Variants in TTC6 observed in about 807,000 individuals in gnomAD.
TTC6 encodes the protein tetratricopeptide repeat protein 6.
Under a neutral mutation model 210.4 loss-of-function variants are expected in TTC6, and 172 were observed. The observed-to-expected ratio is 0.82, with a 90% CI of 0.72 to 0.93. TTC6 has a LOEUF of 0.93. Among genes scored for constraint, TTC6 ranks in the 40% least tolerant of loss-of-function variants. TTC6 has a pLI of 0.00. For missense variants in TTC6, 2,414 were observed against 2,318.1 expected, an observed-to-expected ratio of 1.04 and a Z score of -0.85; for synonymous variants, 804 against 819.6, an observed-to-expected ratio of 0.98 and a Z score of 0.32.
intron 4 of TTC6, among the ~76,000 whole-genome samples, chr14:37,697,077 A>G (rs1795329781): frequency 6.6e-6 from 1 of 152,098 alleles, no homozygotes; most frequent in African/African-American, 2.4e-5. Context: ...CAATAGCTGG[A>G]AAAAATAACT....
chr14:37,733,712 A>G (rs1023088635), intron 7 of TTC6, among the ~76,000 whole-genome samples: 1 of 152,074 alleles, frequency 6.6e-6, no homozygotes, highest in Non-Finnish European at 1.5e-5. Flanking sequence ...TATTTATCAC[A>G]TATTGAAATC....
At chr14:37,720,192 A>G (rs555589409) in intron 6 of TTC6, among the ~76,000 whole-genome samples, 3 of 152,298 alleles carry the variant, frequency 2.0e-5, no homozygotes, top group Non-Finnish European at 2.9e-5. Flanking sequence ...CCAAATGCCA[A>G]TAAGGAAGTG....
intron 10 of TTC6, among the ~76,000 whole-genome samples, chr14:37,747,292 T>C (rs1274126699): frequency 3.9e-5 from 6 of 152,332 alleles, no homozygotes; most frequent in Admixed American, 3.3e-4. Context: ...CTAATTACTT[T>C]GTCAGTGAAC....
chr14:37,829,567 T>C (rs1349598399), intron 29 of TTC6, among the ~76,000 whole-genome samples: 1 of 152,114 alleles, frequency 6.6e-6, no homozygotes, highest in Non-Finnish European at 1.5e-5. Context: ...TATCCTCATA[T>C]TCTTAAATAT....
chr14:37,824,073 TCTTTA>T, intron 27 of TTC6, 116 bp downstream of exon 29: 2 of 998,798 alleles, frequency 2.0e-6, no homozygotes, highest in South Asian at 1.7e-5. Flanking sequence ...ATTTACCTTT[TCTTTA>T]CTTTTAGGTT....
chr14:37,675,987 T>C (rs1342008601), intron 1 of TTC6, among the ~76,000 whole-genome samples: 1 of 151,940 alleles, frequency 6.6e-6, no homozygotes, highest in African/African-American at 2.4e-5. Context: ...ATTCACAGAG[T>C]TTTATGATTC....
At chr14:37,660,316 C>G (rs2095734693) in intron 1 of TTC6, among the ~76,000 whole-genome samples, 1 of 151,924 alleles carries the variant, frequency 6.6e-6, no homozygotes, top group Non-Finnish European at 1.5e-5. Context: ...TTTGCTGCAC[C>G]TGTCAACCCA....
intron 5 of TTC6, among the ~76,000 whole-genome samples, chr14:37,712,833 T>TGG (rs2095846749): frequency 6.6e-6 from 1 of 152,036 alleles, no homozygotes; most frequent in African/African-American, 2.4e-5. Context: ...GAGATTTGGG[T>TGG]GGGGACACAG....
At chr14:37,804,862 GGTTGCTT>G in intron 21 of TTC6, 48 bp downstream of exon 23, 1 of 1,596,464 alleles carries the variant, frequency 6.3e-7, no homozygotes, top group Middle Eastern at 1.7e-4. Flanking sequence ...TTTAGAGACT[GGTTGCTT>G]GTATGCAATT....
chr14:37,816,763 A>G (rs534113732), intron 25 of TTC6, among the ~76,000 whole-genome samples: 1 of 152,266 alleles, frequency 6.6e-6, no homozygotes, highest in African/African-American at 2.4e-5. Flanking sequence ...ATATATTTAA[A>G]TATTTTCTTA....
chr14:37,707,079 A>G lies in TTC6; in HGVS notation c.1571+5553A>G. Reference sequence around the variant, plus strand: ...ATTTGCCTATGTGTTTTTTGTTTGTATCATTATCTGATATCTAATCTTGTG... The same window carrying G: ...ATTTGCCTATGTGTTTTTTGTTTGTGTCATTATCTGATATCTAATCTTGTG... On this transcript the variant is annotated intron_variant, in intron 5 of 30. Coordinates refer to ENST00000553443, the Ensembl canonical transcript of TTC6. Among the ~76,000 whole-genome samples, 4 of 151,940 alleles carry G rather than the reference A, an allele frequency of 2.6e-5. 1 individual carries two copies. In the Middle Eastern group the frequency reaches 0.014, roughly 517 times the overall value.
intron 14 of TTC6, among the ~76,000 whole-genome samples, chr14:37,762,851 C>CTTTCTT (rs1300282027): frequency 6.8e-6 from 1 of 148,132 alleles, no homozygotes; most frequent in East Asian, 2.0e-4. Context: ...CGTAGTGTAT[C>CTTTCTT]TTTCTTTTTC....
chr14:37,716,319 A>G (rs1366796936), intron 6 of TTC6, among the ~76,000 whole-genome samples: 4 of 152,176 alleles, frequency 2.6e-5, no homozygotes, highest in African/African-American at 9.6e-5. Context: ...CAGACAGGAA[A>G]CAAAATCTAA....
chr14:37,764,067 C>T (rs777317612), intron 14 of TTC6, among the ~76,000 whole-genome samples: 4 of 151,956 alleles, frequency 2.6e-5, no homozygotes, highest in Non-Finnish European at 5.9e-5. Flanking sequence ...CATTTAATTT[C>T]CACGTACTTG....
At chr14:37,836,629 T>C (rs1191414922) in intron 29 of TTC6, among the ~76,000 whole-genome samples, 1 of 152,232 alleles carries the variant, frequency 6.6e-6, no homozygotes, top group African/African-American at 2.4e-5. Flanking sequence ...TGACTTGATA[T>C]ACTGTATGCC....
At chr14:37,709,518 A>C (rs574053699) in intron 5 of TTC6, among the ~76,000 whole-genome samples, 2 of 152,076 alleles carry the variant, frequency 1.3e-5, no homozygotes, top group Non-Finnish European at 2.9e-5. Context: ...TTTACTTGGA[A>C]ATACCCAAAA....
intron 5 of TTC6, among the ~76,000 whole-genome samples, chr14:37,712,590 G>A (rs776940575): frequency 3.0e-4 from 45 of 152,298 alleles, no homozygotes; most frequent in Non-Finnish European, 4.7e-4. Flanking sequence ...GAGGCCTCAG[G>A]AAACTTACAA....
At chr14:37,799,473 C>A (rs1323214673) in intron 20 of TTC6, among the ~76,000 whole-genome samples, 1 of 151,998 alleles carries the variant, frequency 6.6e-6, no homozygotes, top group Non-Finnish European at 1.5e-5. Flanking sequence ...ATAAGGTGAC[C>A]CTCAACAAGT....
At chr14:37,643,073 C>T (rs1000324615) in intron 1 of TTC6, among the ~76,000 whole-genome samples, 5 of 151,926 alleles carry the variant, frequency 3.3e-5, no homozygotes, top group East Asian at 1.9e-4. Flanking sequence ...TTTGGGAGGC[C>T]GAGGCAGGGG....
Sources: gnomAD v4.1 joint callset for allele counts (sites outside exome capture counted in the v4.1 genomes callset) on GRCh38, gnomAD v4.1.1 for gene constraint, MANE v1.5 for transcripts, NCBI Gene and HGNC (gene_info 2026-07-23, HGNC 2026-07-21) for gene names.